AFDN: variants seen among roughly 807,000 people sequenced by gnomAD.
AFDN encodes afadin, adherens junction formation factor.
A neutral mutation model predicts 216.6 loss-of-function variants in AFDN; 68 were observed. The observed-to-expected ratio is 0.31, with a 90% CI of 0.26 to 0.38. The LOEUF is 0.38. Ranked by LOEUF, AFDN falls within the 10% of genes least tolerant of loss-of-function variation. The probability of loss-of-function intolerance (pLI) is 1.00; values close to 1 mark genes in which losing one functional copy is unlikely to be tolerated. For synonymous variants in AFDN, 868 were observed against 853.7 expected (o/e 1.02, Z -0.29); for missense variants, 2,136 against 2,342.0 (o/e 0.91, Z 1.82).
intron 22 of AFDN, 193 bp downstream of exon 22, chr6:167,923,152 T>C (rs1792044857): frequency 2.1e-6 from 1 of 483,578 alleles, no homozygotes; most frequent in African/African-American, 2.0e-5. Context: ...CCATGTCTAT[T>C]ACAGTTTTGT....
At chr6:167,900,216 T>G (rs1041451480) in intron 11 of AFDN, among the ~76,000 whole-genome samples, 1 of 152,202 alleles carries the variant, frequency 6.6e-6, no homozygotes, top group Non-Finnish European at 1.5e-5. Flanking sequence ...AACATTAATT[T>G]TGCTCTAGTG....
chr6:167,845,655 C>T (rs951856581), intron 1 of AFDN, among the ~76,000 whole-genome samples: 4 of 152,182 alleles, frequency 2.6e-5, no homozygotes, highest in African/African-American at 7.2e-5. Context: ...GGATTACAGG[C>T]GTGAGCCACC....
intron 1 of AFDN, among the ~76,000 whole-genome samples, chr6:167,859,736 AT>A (rs1327441256): frequency 2.7e-5 from 4 of 150,706 alleles, no homozygotes; most frequent in African/African-American, 9.7e-5. Flanking sequence ...TATTTCTTAT[AT>A]TGACTCTAAT....
intron 1 of AFDN, among the ~76,000 whole-genome samples, chr6:167,861,210 T>C (rs1361245381): frequency 6.6e-6 from 1 of 152,216 alleles, no homozygotes; most frequent in Admixed American, 6.5e-5. Context: ...CCAAACATGA[T>C]TGGCAAAATA....
intron 11 of AFDN, among the ~76,000 whole-genome samples, chr6:167,900,393 T>G (rs1371961460): frequency 2.6e-5 from 4 of 152,192 alleles, no homozygotes; most frequent in Non-Finnish European, 5.9e-5. Flanking sequence ...CATTAACTGA[T>G]TTGTTAATCT....
In AFDN at chr6:167,925,166, G is replaced by T; in HGVS notation, c.3099+75G>T. On this transcript the variant is annotated intron_variant, in intron 23 of 33. Transcript: ENST00000683244. ...GAATCAGTGGTTGTCAGAGTGGATC[G>T]TGTGGGAGTACTTTACCACCTGTGT... 3.8e-6 allele frequency: 4 copies of T among 1,045,620 alleles called. No individual in the cohort carries two copies. In the South Asian group the frequency reaches 5.2e-5, roughly 14 times the overall value. The allele number at this position is 1,045,620 out of a possible 1,614,324, so 64.8% of individuals were successfully genotyped here. A position where few individuals can be genotyped will look rare whatever the true frequency, so the allele number is the denominator to read the frequency against.
At chr6:167,893,367 T>G (rs994963933) in intron 8 of AFDN, among the ~76,000 whole-genome samples, 6 of 152,220 alleles carry the variant, frequency 3.9e-5, no homozygotes, top group Non-Finnish European at 8.8e-5. Flanking sequence ...AAGTACTGTA[T>G]TTCCCCTGGG....
intron 30 of AFDN, among the ~76,000 whole-genome samples, chr6:167,955,533 A>C (rs1025256121): frequency 6.6e-5 from 10 of 152,318 alleles, no homozygotes; most frequent in Admixed American, 2.6e-4. Context: ...ATATTCATTC[A>C]GCAAATACTT....
Position 167,911,168 on chromosome 6 carries a change from T to C in AFDN, c.1831+6T>C. The C allele has an allele frequency of 6.2e-7, 1 of 1,612,938 alleles. No individual in the cohort carries two copies. The highest frequency in any genetic ancestry group is 8.5e-7 in the Non-Finnish European group (1 of 1,179,072). On this transcript the variant is annotated splice_donor_region_variant and intron_variant, in intron 14 of 33. Transcript: ENST00000683244. ...CATTGAATTCAGGGAAAGTTGTGAG[T>C]AATTTCAGATTTCATTGTCAATGAA...
chr6:167,934,482 A>G (rs968797089), intron 23 of AFDN, among the ~76,000 whole-genome samples: 1 of 152,192 alleles, frequency 6.6e-6, no homozygotes, highest in African/African-American at 2.4e-5. Flanking sequence ...TACTTATCTG[A>G]CTAGAAGTAA....
intron 22 of AFDN, among the ~76,000 whole-genome samples, chr6:167,923,385 A>C (rs1792068232): frequency 6.6e-6 from 1 of 152,158 alleles, no homozygotes; most frequent in African/African-American, 2.4e-5. Context: ...GGTAAATCCC[A>C]AAATTTCCCA....
In AFDN at chr6:167,969,821, A is replaced by G. The variant is rs1342304156; in HGVS notation, c.5382A>G (p.Glu1794=). 6.2e-7 allele frequency: 1 copy of G among 1,612,860 alleles called. No individual in the cohort carries two copies. Among genetic ancestry groups the G allele is most frequent in the Non-Finnish European group, 8.5e-7 (1 of 1,179,682 alleles). The change falls in exon 34 of 34, where the codon GAA becomes GAG. Residue 1794 remains glutamate (E), a synonymous_variant. Coordinates refer to ENST00000683244, the MANE Select transcript of AFDN (RefSeq NM_001386888.1). ...CACCTGGAAGTTCTGGGGCCCCTGA[A>G]AACTTGACATTCAAGGAACGCCAGC... The part of the protein sequence containing the change: ...ADSPGSSGAP[E]NLTFKERQRL...
At chr6:167,906,483 A>G (rs1041493611) in intron 12 of AFDN, among the ~76,000 whole-genome samples, 1 of 152,208 alleles carries the variant, frequency 6.6e-6, no homozygotes, top group Non-Finnish European at 1.5e-5. Flanking sequence ...CAGATGTAAT[A>G]AGAAATTTTA....
At chr6:167,954,622 T>C (rs909445601) in intron 30 of AFDN, 1 of 602,140 alleles carries the variant, frequency 1.7e-6, no homozygotes, top group Non-Finnish European at 2.7e-6. Flanking sequence ...GGAGATGGAG[T>C]CCCTGACACT....
rs937459316 is a variant in AFDN, at chr6:167,971,251, A to G, written c.*1316A>G. On this transcript the variant is annotated 3_prime_UTR_variant, in exon 34 of 34. Transcript: ENST00000683244. ...GAAAATAGGCACACTTTCAAAGAGAATGTTCTCTTACACATACGTATGTTA... is the reference window on the plus strand; with the variant it reads ...GAAAATAGGCACACTTTCAAAGAGAGTGTTCTCTTACACATACGTATGTTA... 7 of 219,896 alleles carry G rather than the reference A, an allele frequency of 3.2e-5. No individual in the cohort carries two copies. The highest frequency in any genetic ancestry group is 1.3e-4 in the African/African-American group (6 of 44,548). The allele number at this position is 219,896 out of a possible 1,614,324, so 13.6% of individuals were successfully genotyped here.
At chr6:167,836,431 AT>A (rs1780442739) in intron 1 of AFDN, among the ~76,000 whole-genome samples, 2 of 152,160 alleles carry the variant, frequency 1.3e-5, no homozygotes, top group African/African-American at 4.8e-5. Flanking sequence ...CCCTTGGCTT[AT>A]TTCCTGAGAA....
At chr6:167,943,520 G>C (rs1444845022) in intron 25 of AFDN, 45 bp downstream of exon 25, 1 of 1,469,734 alleles carries the variant, frequency 6.8e-7, no homozygotes, top group African/African-American at 1.4e-5. Context: ...AGCATTTTTA[G>C]GTGATTTTTG....
chr6:167,889,147 G>A, intron 6 of AFDN, 68 bp from the exon 7 acceptor site: 1 of 1,008,038 alleles, frequency 9.9e-7, no homozygotes, highest in East Asian at 2.4e-5. Context: ...CAATAAATGT[G>A]TTCTTTTAAG....
intron 1 of AFDN, among the ~76,000 whole-genome samples, chr6:167,833,535 T>C (rs940190393): frequency 6.6e-6 from 1 of 152,234 alleles, no homozygotes; most frequent in African/African-American, 2.4e-5. Context: ...TTAAAACTTT[T>C]GGTTCTTCCA....
Sources: gnomAD v4.1 joint callset for allele counts (sites outside exome capture counted in the v4.1 genomes callset) on GRCh38, gnomAD v4.1.1 for gene constraint, MANE v1.5 for transcripts, NCBI Gene and HGNC (gene_info 2026-07-23, HGNC 2026-07-21) for gene names.